Variants in ITPRID1 observed in about 807,000 individuals in gnomAD.
The protein encoded by ITPRID1 is protein ITPRID1.
In ITPRID1, 96 loss-of-function variants were observed where a neutral mutation model predicts 95.4. That is an observed-to-expected ratio of 1.01 (90% confidence interval 0.85 to 1.19). The LOEUF (loss-of-function observed/expected upper bound fraction) is 1.19. Ranked by LOEUF, ITPRID1 falls within the 50% of genes most tolerant of loss-of-function variation. The pLI is 0.00. For missense variants in ITPRID1, 1,339 were observed against 1,252.9 expected, an observed-to-expected ratio of 1.07 and a Z score of -1.04; for synonymous variants, 510 against 453.6, an observed-to-expected ratio of 1.12 and a Z score of -1.58.
At chr7:31,529,896 C>T in intron 1 of ITPRID1, 1 of 1,161,334 alleles carries the variant, frequency 8.6e-7, no homozygotes, top group Non-Finnish European at 1.2e-6. Context: ...GCTGTCTGCT[C>T]TCATTTTCTC....
intron 10 of ITPRID1, among the ~76,000 whole-genome samples, chr7:31,609,653 T>C (rs1383727535): frequency 6.6e-6 from 1 of 151,644 alleles, no homozygotes. Context: ...CTTTCATTCA[T>C]AATTTATTAA....
Position 31,656,324 on chromosome 7 carries a change from A to G in ITPRID1, c.*3495A>G, listed in dbSNP as rs1045244173. On this transcript the variant is annotated 3_prime_UTR_variant, in exon 15 of 15. Coordinates refer to ENST00000615280, the MANE Select transcript of ITPRID1 (RefSeq NM_001257967.3). ...GTGACCTCGGGCACTTGCTCTCTTT[A>G]CCCTAGTTTCTTCCTCTGTAAAATA... is the stretch of plus-strand genomic sequence containing the variant. 3 of 209,652 alleles carry G rather than the reference A, an allele frequency of 1.4e-5. No homozygotes were observed. Among genetic ancestry groups the G allele is most frequent in the Non-Finnish European group, 1.7e-5 (2 of 120,650 alleles). The allele number at this position is 209,652 out of a possible 1,614,324, so 13.0% of individuals were successfully genotyped here.
chr7:31,647,916 T>C (rs1459023398), intron 12 of ITPRID1, among the ~76,000 whole-genome samples: 1 of 152,148 alleles, frequency 6.6e-6, no homozygotes, highest in East Asian at 1.9e-4. Flanking sequence ...AATGATTTGT[T>C]GATATAATTA....
chr7:31,652,126 T>G lies in ITPRID1; in HGVS notation c.2823+76T>G, dbSNP rs138788256. On this transcript the variant is annotated intron_variant, in intron 14 of 14. Transcript: ENST00000615280. ...AGGTGCATTAAATGAGAAACTTGAT[T>G]GTGCAATCATTTCAGAATCTAGGTT... 4.7e-5 allele frequency: 50 copies of G among 1,057,032 alleles called. No homozygotes were observed. In the African/African-American group the frequency reaches 7.0e-4, roughly 15 times the overall value. The allele number at this position is 1,057,032 out of a possible 1,614,324, so 65.5% of individuals were successfully genotyped here.
At chr7:31,566,213 G>T (rs1784794257) in intron 5 of ITPRID1, among the ~76,000 whole-genome samples, 1 of 152,278 alleles carries the variant, frequency 6.6e-6, no homozygotes, top group Admixed American at 6.5e-5. Flanking sequence ...CAGGGCTAGG[G>T]TTTTTGAAAA....
chr7:31,560,027 T>C (rs1784574674), intron 5 of ITPRID1, among the ~76,000 whole-genome samples: 1 of 152,106 alleles, frequency 6.6e-6, no homozygotes, highest in South Asian at 2.1e-4. Context: ...AATAAACAAA[T>C]AAATACATAT....
chr7:31,643,634 G>C lies in ITPRID1; in HGVS notation c.2264G>C (p.Arg755Thr). Residue 755 changes from arginine to threonine, a missense_variant, in exon 12 of 15, where the codon AGA becomes ACA. Physicochemically the swap from Arg to Thr is moderately conservative, Grantham distance 71 (BLOSUM62 -1). Transcript: ENST00000615280. ...GAAACAAGACTGGGGACAAAAGCAAGACAGTTAAATGATGCTTCCATTCAG... is the reference window on the plus strand; with the variant it reads ...GAAACAAGACTGGGGACAAAAGCAACACAGTTAAATGATGCTTCCATTCAG... ...ATETRLGTKA[R>T]QLNDASIQTS... is the part of the protein sequence containing the mutation. 1.2e-6 allele frequency: 2 copies of C among 1,614,054 alleles called. No individual in the cohort carries two copies. The highest frequency in any genetic ancestry group is 1.7e-6 in the Non-Finnish European group (2 of 1,179,900).
At chr7:31,634,497 G>A (rs1789302166) in intron 10 of ITPRID1, among the ~76,000 whole-genome samples, 1 of 152,188 alleles carries the variant, frequency 6.6e-6, no homozygotes, top group Non-Finnish European at 1.5e-5. Context: ...CTCAGAGAGA[G>A]TAAGAGGCAA....
At chr7:31,613,996 G>A (rs991103850) in intron 10 of ITPRID1, among the ~76,000 whole-genome samples, 3 of 152,186 alleles carry the variant, frequency 2.0e-5, no homozygotes, top group Non-Finnish European at 4.4e-5. Flanking sequence ...TTCAGATGCT[G>A]AACTTTGGCT....
At chr7:31,617,252 A>G (rs1231831238) in intron 10 of ITPRID1, among the ~76,000 whole-genome samples, 1 of 82,246 alleles carries the variant, frequency 1.2e-5, no homozygotes, top group Non-Finnish European at 2.6e-5. Flanking sequence ...TAGAATGGAG[A>G]TAACAACAAT....
intron 9 of ITPRID1, among the ~76,000 whole-genome samples, chr7:31,580,349 C>T (rs1013770893): frequency 2.0e-5 from 3 of 151,420 alleles, no homozygotes; most frequent in Non-Finnish European, 2.9e-5. Context: ...AGCTAGGATC[C>T]GAACAAAAAG....
intron 1 of ITPRID1, among the ~76,000 whole-genome samples, chr7:31,523,712 C>G (rs901577358): frequency 1.3e-5 from 2 of 152,188 alleles, no homozygotes; most frequent in African/African-American, 2.4e-5. Context: ...TCTTCACCTT[C>G]CACCATGATT....
At chr7:31,597,773 G>T (rs2128157843) in intron 10 of ITPRID1, among the ~76,000 whole-genome samples, 1 of 152,200 alleles carries the variant, frequency 6.6e-6, no homozygotes, top group Non-Finnish European at 1.5e-5. Flanking sequence ...TGTAGGACTT[G>T]CAAGCTTGTC....
At chr7:31,515,412 C>T (rs1783013447) in intron 1 of ITPRID1, among the ~76,000 whole-genome samples, 1 of 151,994 alleles carries the variant, frequency 6.6e-6, no homozygotes, top group Non-Finnish European at 1.5e-5. Flanking sequence ...CCCATCTCTA[C>T]TAAAAATACA....
chr7:31,583,149 G>A lies in ITPRID1; in HGVS notation c.1186G>A (p.Glu396Lys). ...FEMEEVQSFE[E>K]ETGNPLDMTS... is the part of the protein sequence containing the mutation. ...GATATCTTAGGTCCAAAGCTTTGAA[G>A]AAGAGACTGGTAATCCTCTTGACAT... The change falls in exon 10 of 15, where the codon GAA (glutamate) becomes AAA (lysine). Residue 396 changes from glutamate (E) to lysine (K), a missense_variant. By Grantham distance (56) the Glu-to-Lys change is moderately conservative. Transcript: ENST00000615280. The A allele has an allele frequency of 6.2e-7, 1 of 1,611,556 alleles. No individual in the cohort carries two copies. Among genetic ancestry groups the A allele is most frequent in the South Asian group, 1.1e-5 (1 of 90,878 alleles).
intron 10 of ITPRID1, among the ~76,000 whole-genome samples, chr7:31,598,846 T>G (rs1786220586): frequency 6.6e-6 from 1 of 152,306 alleles, no homozygotes; most frequent in Non-Finnish European, 1.5e-5. Flanking sequence ...CAGGAGCAGA[T>G]AAGTTTAAAT....
intron 11 of ITPRID1, 101 bp from the exon 12 acceptor site, chr7:31,642,581 C>A (rs376025095): frequency 9.4e-7 from 1 of 1,062,802 alleles, no homozygotes; most frequent in African/African-American, 1.6e-5. Context: ...CAACCCTTAT[C>A]TCCTGACTCC....
intron 1 of ITPRID1, among the ~76,000 whole-genome samples, chr7:31,519,620 C>CTCTCTCTCTCTCTCTCTATATATATATA: frequency 7.9e-5 from 2 of 25,270 alleles, no homozygotes; most frequent in African/African-American, 2.8e-4. Context: ...CTCTCTCTCT[C>CTCTCTCTCTCTCTCTCTATATATATATA]TATATATATA....
At chr7:31,617,766 TTGAAATTGAAGATAATAAAGATAAAA>T (rs1264071925) in intron 10 of ITPRID1, among the ~76,000 whole-genome samples, 27 of 152,164 alleles carry the variant, frequency 1.8e-4, no homozygotes, top group African/African-American at 6.3e-4. Flanking sequence ...ATGAGTTTGG[TTGAAATTGAAGATAATAAAGATAAAA>T]TGAAAATGAA....
Sources: allele counts gnomAD v4.1 joint callset (sites outside exome capture counted in the v4.1 genomes callset), GRCh38; gene constraint gnomAD v4.1.1; transcripts MANE v1.5; gene names NCBI Gene and HGNC (gene_info 2026-07-23, HGNC 2026-07-21).